Variants in PCDHGB7 observed in about 807,000 individuals in gnomAD.
PCDHGB7 encodes protocadherin gamma subfamily B, 7, also known as protocadherin gamma-B7.
Under a neutral mutation model 61.4 loss-of-function variants are expected in PCDHGB7, and 37 were observed. That is an observed-to-expected ratio of 0.60 (90% confidence interval 0.46 to 0.79). The LOEUF is 0.79. Ranked by LOEUF, PCDHGB7 falls within the 30% of genes least tolerant of loss-of-function variation. The pLI is 0.00. For missense variants in PCDHGB7, 1,166 were observed against 1,202.5 expected, an observed-to-expected ratio of 0.97 and a Z score of 0.45; for synonymous variants, 464 against 503.5, an observed-to-expected ratio of 0.92 and a Z score of 1.05.
rs111263562 is a variant in PCDHGB7, at chr5:141,487,812, T to C, written c.2416-6995T>C. The C allele has an allele frequency of 1.1e-4, 148 of 1,408,204 alleles. 1 individual carries two copies. Among genetic ancestry groups the C allele is most frequent in the South Asian group, 1.6e-4 (12 of 73,988 alleles). The allele number at this position is 1,408,204 out of a possible 1,614,324, so 87.2% of individuals were successfully genotyped here. On this transcript the variant is annotated intron_variant, in intron 1 of 3. Coordinates refer to ENST00000398594, the MANE Select transcript of PCDHGB7 (RefSeq NM_018927.4). The surrounding 1 kb of genome is among the most constrained non-coding windows in gnomAD (Gnocchi z 5.0). ...TAACCAGAGTTGTCACAGTTTAGCA[T>C]TGGGGGCGGGTCATGCCTATATCTG...
At chr5:141,496,050 G>A (rs1232836015) in intron 2 of PCDHGB7, among the ~76,000 whole-genome samples, 2 of 149,892 alleles carry the variant, frequency 1.3e-5, no homozygotes, top group Non-Finnish European at 3.0e-5. Flanking sequence ...ATTTTTTTGT[G>A]CTTGTGGGCA....
intron 1 of PCDHGB7, chr5:141,423,700 G>A (rs753612385): frequency 7.5e-7 from 1 of 1,324,816 alleles, no homozygotes; most frequent in Non-Finnish European, 9.8e-7. Context: ...TTGGTGTCTT[G>A]GCACAAGTCT....
chr5:141,510,223 G>C (rs944276162), intron 3 of PCDHGB7, among the ~76,000 whole-genome samples: 1 of 151,302 alleles, frequency 6.6e-6, no homozygotes, highest in African/African-American at 2.4e-5. Context: ...CAGTGAGCCG[G>C]GATCGCGCCA....
At chr5:141,507,815 C>G (rs936926937) in intron 3 of PCDHGB7, among the ~76,000 whole-genome samples, 2 of 152,204 alleles carry the variant, frequency 1.3e-5, no homozygotes, top group African/African-American at 4.8e-5. Context: ...GGAACGGACC[C>G]TGGGGGTGGA....
intron 1 of PCDHGB7, chr5:141,478,778 C>A: frequency 6.7e-7 from 1 of 1,488,178 alleles, no homozygotes; most frequent in Non-Finnish European, 8.9e-7. Flanking sequence ...ATCTGTGGAC[C>A]TAATTCACAT....
chr5:141,478,623 G>A, intron 1 of PCDHGB7: 2 of 1,554,358 alleles, frequency 1.3e-6, no homozygotes, highest in Non-Finnish European at 1.7e-6. Flanking sequence ...GAATGGAGCT[G>A]TTTTTTTAGT....
At position 141,490,118 on chromosome 5, in the gene PCDHGB7, T is replaced by G. The variant is rs1448768968; in HGVS notation, c.2416-4689T>G. The G allele has an allele frequency of 6.2e-7, 1 of 1,614,158 alleles. No individual in the cohort carries two copies. Among genetic ancestry groups the G allele is most frequent in the Non-Finnish European group, 8.5e-7 (1 of 1,180,048 alleles). On this transcript the variant is annotated intron_variant, in intron 1 of 3. Transcript: ENST00000398594. This position sits in a 1 kb window ranked among gnomAD's most constrained non-coding sequence, Gnocchi z 5.4. ...ACATCTGAGGCAGTGCGGAACCTCT[T>G]TGGCCTAGACCCTAGCAGTGGGGCA...
intron 1 of PCDHGB7, among the ~76,000 whole-genome samples, chr5:141,434,452 G>T (rs2097695209): frequency 6.6e-6 from 1 of 152,334 alleles, no homozygotes; most frequent in African/African-American, 2.4e-5. Flanking sequence ...CTGGAAGGTA[G>T]TGGGTTTACC....
At chr5:141,502,697 T>C (rs893610041) in intron 2 of PCDHGB7, among the ~76,000 whole-genome samples, 13 of 152,208 alleles carry the variant, frequency 8.5e-5, no homozygotes, top group African/African-American at 3.1e-4. Context: ...CTTGCCTGTA[T>C]CTGTTTTTAC....
chr5:141,442,164 C>A, intron 1 of PCDHGB7: 1 of 156,542 alleles, frequency 6.4e-6, no homozygotes, highest in Non-Finnish European at 1.4e-5. Context: ...GATCACTCTG[C>A]AAAGCTACAG....
intron 1 of PCDHGB7, among the ~76,000 whole-genome samples, chr5:141,458,102 A>G (rs1314999618): frequency 6.6e-6 from 1 of 152,246 alleles, no homozygotes; most frequent in Admixed American, 6.5e-5. Context: ...GTACTTACAG[A>G]TAGTCTCCAA....
At position 141,489,157 on chromosome 5, in the gene PCDHGB7, C is replaced by A. The variant is rs1222682069; in HGVS notation, c.2416-5650C>A. 1.0e-6 allele frequency: 1 copy of A among 984,444 alleles called. No homozygotes were observed. The highest frequency in any genetic ancestry group is 1.6e-5 in the African/African-American group (1 of 61,296). The allele number at this position is 984,444 out of a possible 1,614,324, so 61.0% of individuals were successfully genotyped here. On this transcript the variant is annotated intron_variant, in intron 1 of 3. Coordinates refer to ENST00000398594, the MANE Select transcript of PCDHGB7 (RefSeq NM_018927.4). This position sits in a 1 kb window ranked among gnomAD's most constrained non-coding sequence, Gnocchi z 4.5. ...AGAGGCTGGAAGGAGACATAAGAGA[C>A]TTCAGCTGCTGCATTCCAAGCCCTG...
At chr5:141,423,398 G>T in intron 1 of PCDHGB7, 7 of 1,614,172 alleles carry the variant, frequency 4.3e-6, no homozygotes, top group Non-Finnish European at 5.9e-6. Flanking sequence ...CATAAGTCAC[G>T]CCTGCTGCAG....
intron 1 of PCDHGB7, among the ~76,000 whole-genome samples, chr5:141,457,190 G>A (rs2098913282): frequency 6.6e-6 from 1 of 152,200 alleles, no homozygotes; most frequent in African/African-American, 2.4e-5. Context: ...GTAGAGTGAG[G>A]AAAGCAGTTC....
chr5:141,419,302 C>A lies in PCDHGB7; in HGVS notation c.1443C>A (p.Phe481Leu). ...IAQVSASDPDFGLNGRVSYSL... is the reference protein window; with the variant it reads ...IAQVSASDPDLGLNGRVSYSL... Reference sequence around the variant, plus strand: ...AAGTCAGTGCCTCTGACCCAGACTTCGGGCTCAACGGCCGTGTCTCCTACT... The same window carrying A: ...AAGTCAGTGCCTCTGACCCAGACTTAGGGCTCAACGGCCGTGTCTCCTACT... Residue 481 changes from phenylalanine (F) to leucine (L), a missense_variant, in exon 1 of 4, where the codon TTC becomes TTA. Coordinates refer to ENST00000398594, the MANE Select transcript of PCDHGB7 (RefSeq NM_018927.4). The A allele has an allele frequency of 6.2e-7, 1 of 1,614,024 alleles. No homozygotes were observed. The highest frequency in any genetic ancestry group is 8.5e-7 in the Non-Finnish European group (1 of 1,179,904).
chr5:141,492,499 C>T (rs2099741220), intron 1 of PCDHGB7, among the ~76,000 whole-genome samples: 1 of 152,198 alleles, frequency 6.6e-6, no homozygotes. Context: ...GGCGAGGACT[C>T]CGGAGCCTCC....
chr5:141,486,617 C>A lies in PCDHGB7; in HGVS notation c.2416-8190C>A. On this transcript the variant is annotated intron_variant, in intron 1 of 3. Coordinates refer to ENST00000398594, the MANE Select transcript of PCDHGB7 (RefSeq NM_018927.4). The surrounding 1 kb of genome is among the most constrained non-coding windows in gnomAD (Gnocchi z 5.0). The stretch of plus-strand genomic sequence containing the variant: ...GCTTTGCTCCCTTGCAGCCTCTGAC[C>A]CAGACTCTGGCTTGAATGCGCTTAT... The A allele has an allele frequency of 1.2e-6, 2 of 1,613,602 alleles. No homozygotes were observed. The highest frequency in any genetic ancestry group is 2.2e-5 in the East Asian group (1 of 44,874).
At chr5:141,474,087 A>C (rs1483673747) in intron 1 of PCDHGB7, among the ~76,000 whole-genome samples, 4 of 152,198 alleles carry the variant, frequency 2.6e-5, no homozygotes, top group South Asian at 2.1e-4. Context: ...AAAACCAAAA[A>C]ACAAACAACA....
At position 141,418,737 on chromosome 5, in the gene PCDHGB7, C is replaced by G. The variant is rs768683069; in HGVS notation, c.878C>G (p.Ser293Cys). The G allele has an allele frequency of 6.2e-7, 1 of 1,613,842 alleles. No homozygotes were observed. Among genetic ancestry groups the G allele is most frequent in the African/African-American group, 1.3e-5 (1 of 74,938 alleles). ...GCTGACAAAGCTCAGCACGTGTTCT[C>G]TCTGGATTACACTACAGGAAACATT... Reference protein sequence around the residue: ...GVADKAQHVFSLDYTTGNILT... With the variant: ...GVADKAQHVFCLDYTTGNILT... The change falls in exon 1 of 4, where the codon TCT (serine) becomes TGT (cysteine). Residue 293 changes from serine to cysteine, a missense_variant. Physicochemically the swap from Ser to Cys is moderately radical, Grantham distance 112 (BLOSUM62 -1). Coordinates refer to ENST00000398594, the MANE Select transcript of PCDHGB7 (RefSeq NM_018927.4).
Sources: gnomAD v4.1 joint callset for allele counts (sites outside exome capture counted in the v4.1 genomes callset) on GRCh38, gnomAD v4.1.1 for gene constraint, Gnocchi (gnomAD v3.1) non-coding constraint, MANE v1.5 for transcripts, NCBI Gene and HGNC (gene_info 2026-07-23, HGNC 2026-07-21) for gene names.